Variants in CELF2 observed in about 807,000 individuals in gnomAD.
CELF2 encodes the protein CUG triplet repeat RNA-binding protein 2.
A neutral mutation model predicts 62.6 loss-of-function variants in CELF2; 8 were observed. That is an observed-to-expected ratio of 0.13 (90% CI 0.07 to 0.23). The LOEUF (loss-of-function observed/expected upper bound fraction) is 0.23. CELF2 is among the 10% of genes least tolerant of loss of function. The probability of loss-of-function intolerance (pLI) is 1.00; values close to 1 mark genes in which losing one functional copy is unlikely to be tolerated. For synonymous variants in CELF2, 258 were observed against 250.0 expected (o/e 1.03, Z -0.30); for missense variants, 333 against 671.0 (o/e 0.50, Z 5.56).
chr10:10,638,209 G>C, the CELF2 span, among the ~76,000 whole-genome samples: 1 of 152,088 alleles, frequency 6.6e-6, no homozygotes, highest in Non-Finnish European at 1.5e-5. Flanking sequence ...CTTACTAAAG[G>C]GCATGTGTTT....
chr10:10,807,087 C>G (rs1386075488), intron 1 of CELF2, among the ~76,000 whole-genome samples: 1 of 152,090 alleles, frequency 6.6e-6, no homozygotes, highest in Non-Finnish European at 1.5e-5. Context: ...GCACATAGAC[C>G]TTTTTAAGTT....
chr10:11,133,250 A>AT (rs1450312375), intron 1 of CELF2, among the ~76,000 whole-genome samples: 1 of 152,194 alleles, frequency 6.6e-6, no homozygotes, highest in African/African-American at 2.4e-5. Context: ...AGAGTAACAG[A>AT]TTGTTAGAGC....
the CELF2 span, among the ~76,000 whole-genome samples, chr10:10,767,850 G>T: frequency 3.4e-4 from 50 of 145,608 alleles, 2 homozygotes; most frequent in East Asian, 9.1e-3. Context: ...CAAAAAATTA[G>T]CCGGGCGTGG....
At chr10:10,653,696 T>C in the CELF2 span, among the ~76,000 whole-genome samples, 1 of 145,534 alleles carries the variant, frequency 6.9e-6, no homozygotes, top group African/African-American at 2.6e-5. Context: ...CATACCAGAA[T>C]CTCTGGGATG....
chr10:11,134,275 C>T (rs2060063243), intron 1 of CELF2, among the ~76,000 whole-genome samples: 1 of 152,128 alleles, frequency 6.6e-6, no homozygotes, highest in South Asian at 2.1e-4. Context: ...TGGCCTCTCC[C>T]CGTGTTTTGT....
At chr10:10,835,545 G>C (rs2058219681) in intron 1 of CELF2, among the ~76,000 whole-genome samples, 1 of 152,042 alleles carries the variant, frequency 6.6e-6, no homozygotes, top group African/African-American at 2.4e-5. Flanking sequence ...ACCACACCCA[G>C]CTAATTTTTG....
the CELF2 span, among the ~76,000 whole-genome samples, chr10:10,696,335 C>T: frequency 2.0e-5 from 3 of 151,862 alleles, no homozygotes; most frequent in South Asian, 6.4e-4. Flanking sequence ...GGTCAGGGAC[C>T]CACTTGAGGA....
At chr10:11,245,499 A>G (rs144567796) in intron 3 of CELF2, among the ~76,000 whole-genome samples, 100 of 152,346 alleles carry the variant, frequency 6.6e-4, no homozygotes, top group Middle Eastern at 3.4e-3. Context: ...AGAATTCACC[A>G]TGGTCTGACA....
chr10:11,275,536 CT>C (rs1466667395), intron 8 of CELF2, among the ~76,000 whole-genome samples: 1 of 152,110 alleles, frequency 6.6e-6, no homozygotes, highest in Non-Finnish European at 1.5e-5. Flanking sequence ...ATGTTCTGAC[CT>C]CCGTAATGAA....
chr10:11,250,766 T>C (rs1423328382), intron 4 of CELF2, among the ~76,000 whole-genome samples: 3 of 152,230 alleles, frequency 2.0e-5, no homozygotes, highest in Non-Finnish European at 4.4e-5. Flanking sequence ...CTCACCTAAG[T>C]TGCCTTCCCC....
intron 1 of CELF2, among the ~76,000 whole-genome samples, chr10:10,859,795 A>C (rs1165141496): frequency 6.6e-6 from 1 of 152,166 alleles, no homozygotes; most frequent in East Asian, 1.9e-4. Context: ...CAGTGTACCT[A>C]GGAACACCTG....
At chr10:11,164,358 G>A (rs186946114) in intron 1 of CELF2, among the ~76,000 whole-genome samples, 3 of 152,296 alleles carry the variant, frequency 2.0e-5, no homozygotes, top group Non-Finnish European at 4.4e-5. Flanking sequence ...CTTCATCATC[G>A]TATTACTTGA....
At chr10:10,756,846 A>T in the CELF2 span, among the ~76,000 whole-genome samples, 14 of 152,306 alleles carry the variant, frequency 9.2e-5, no homozygotes, top group African/African-American at 3.1e-4. Context: ...AATATCCATT[A>T]AAAAATAACT....
At chr10:11,289,182 T>A (rs920836696) in intron 9 of CELF2, among the ~76,000 whole-genome samples, 2 of 150,428 alleles carry the variant, frequency 1.3e-5, no homozygotes, top group African/African-American at 5.0e-5. Flanking sequence ...TTTTGTTTTG[T>A]TTTTTTTTAA....
chr10:10,514,442 G>A, the CELF2 span, among the ~76,000 whole-genome samples: 1 of 152,176 alleles, frequency 6.6e-6, no homozygotes, highest in African/African-American at 2.4e-5. Flanking sequence ...AAAGAAAAAT[G>A]AAAGCGTGGT....
At chr10:10,537,274 G>A in the CELF2 span, among the ~76,000 whole-genome samples, 1 of 152,208 alleles carries the variant, frequency 6.6e-6, no homozygotes, top group East Asian at 1.9e-4. Context: ...TGGATAAGAG[G>A]GTGAGTTTTG....
At chr10:10,557,649 A>T in the CELF2 span, among the ~76,000 whole-genome samples, 1 of 151,996 alleles carries the variant, frequency 6.6e-6, no homozygotes, top group Non-Finnish European at 1.5e-5. Context: ...CACAATATTG[A>T]TTCTTCCTGC....
At chr10:10,527,509 G>C in the CELF2 span, among the ~76,000 whole-genome samples, 1 of 151,758 alleles carries the variant, frequency 6.6e-6, no homozygotes, top group African/African-American at 2.4e-5. Flanking sequence ...ATAATCACGG[G>C]GTTCCATTTA....
At chr10:11,007,265 TTAA>T (rs1385269446) in intron 1 of CELF2, among the ~76,000 whole-genome samples, 1 of 152,004 alleles carries the variant, frequency 6.6e-6, no homozygotes, top group African/African-American at 2.4e-5. Flanking sequence ...TTGGTTTAAA[TTAA>T]TGATGTTCTC....
Sources: gnomAD v4.1 joint callset for allele counts (sites outside exome capture counted in the v4.1 genomes callset) on GRCh38, gnomAD v4.1.1 for gene constraint, MANE v1.5 for transcripts, NCBI Gene and HGNC (gene_info 2026-07-23, HGNC 2026-07-21) for gene names.